RIT2: variants seen among roughly 807,000 people sequenced by gnomAD.
The protein encoded by RIT2 is Ras like without CAAX 2.
In RIT2, 24 loss-of-function variants were observed where a neutral mutation model predicts 23.7. The observed-to-expected ratio is 1.01, with a 90% CI of 0.73 to 1.43. The LOEUF (loss-of-function observed/expected upper bound fraction) is 1.43. Among genes scored for constraint, RIT2 ranks in the 40% most tolerant of loss-of-function variants. The pLI, the probability that RIT2 is intolerant of heterozygous loss-of-function variation, is 0.00. For synonymous variants in RIT2, 107 were observed against 91.1 expected (o/e 1.17, Z -0.99); for missense variants, 236 against 266.9 (o/e 0.88, Z 0.81).
rs148313401 is a variant in RIT2 at position 42,967,626 on chromosome 18, C to T, written c.234+6448G>A. Among the ~76,000 whole-genome samples the T allele has an allele frequency of 6.1e-3, 883 of 144,170 alleles. 10 individuals carry two copies. The highest frequency in any genetic ancestry group is 0.022 in the African/African-American group (854 of 38,810). 94.6% of individuals were successfully genotyped at this position (144,170 alleles called of 152,430 possible). A position where few individuals can be genotyped will look rare whatever the true frequency, so the allele number is the denominator to read the frequency against. ...CAGGATGGTCTCAATCTGCTGACCT[C>T]GTGATCCGCTCATCTCGGCCTCCCA... On this transcript the variant is annotated intron_variant, in intron 3 of 4. Coordinates refer to ENST00000326695, the MANE Select transcript of RIT2 (RefSeq NM_002930.4).
At chr18:42,979,369 G>A (rs1472395388) in intron 2 of RIT2, among the ~76,000 whole-genome samples, 1 of 151,944 alleles carries the variant, frequency 6.6e-6, no homozygotes, top group African/African-American at 2.4e-5. Context: ...ATCTTAAGAT[G>A]ATTGAATACT....
At chr18:42,932,024 T>C (rs1221412746) in intron 3 of RIT2, among the ~76,000 whole-genome samples, 4 of 152,156 alleles carry the variant, frequency 2.6e-5, no homozygotes, top group Non-Finnish European at 5.9e-5. Context: ...TAAATTACTA[T>C]TTGGTTCCTC....
intron 1 of RIT2, among the ~76,000 whole-genome samples, chr18:43,058,928 C>G (rs1311429840): frequency 6.6e-6 from 1 of 151,920 alleles, no homozygotes; most frequent in East Asian, 1.9e-4. Flanking sequence ...ATACATTGAA[C>G]CCTTGAGCCT....
At chr18:43,109,315 T>C (rs927306089) in intron 1 of RIT2, among the ~76,000 whole-genome samples, 1 of 152,202 alleles carries the variant, frequency 6.6e-6, no homozygotes, top group African/African-American at 2.4e-5. Flanking sequence ...TAATCCTTTT[T>C]GGGTTTTCAG....
chr18:43,101,593 A>G (rs1913685842), intron 1 of RIT2, among the ~76,000 whole-genome samples: 2 of 152,176 alleles, frequency 1.3e-5, no homozygotes, highest in African/African-American at 4.8e-5. Context: ...TTAGTGGGAG[A>G]ACTGAATTTC....
At chr18:43,033,462 T>C (rs1363142434) in intron 2 of RIT2, among the ~76,000 whole-genome samples, 1 of 152,150 alleles carries the variant, frequency 6.6e-6, no homozygotes, top group East Asian at 1.9e-4. Flanking sequence ...CAAATACATA[T>C]ATAATCACAT....
At chr18:42,901,184 G>T (rs1908467027) in intron 4 of RIT2, among the ~76,000 whole-genome samples, 1 of 152,012 alleles carries the variant, frequency 6.6e-6, no homozygotes, top group African/African-American at 2.4e-5. Flanking sequence ...ATTAGATATT[G>T]ATGCTTGAGT....
At chr18:43,112,558 C>A (rs1181790347) in intron 1 of RIT2, among the ~76,000 whole-genome samples, 3 of 152,172 alleles carry the variant, frequency 2.0e-5, no homozygotes, top group Non-Finnish European at 2.9e-5. Flanking sequence ...AGTAAAGTTG[C>A]AAATTCTTTT....
intron 1 of RIT2, among the ~76,000 whole-genome samples, chr18:43,096,792 G>A (rs963557034): frequency 6.6e-6 from 1 of 151,680 alleles, no homozygotes; most frequent in Admixed American, 6.6e-5. Flanking sequence ...TACTCAAAAA[G>A]TTATATAAAA....
intron 1 of RIT2, among the ~76,000 whole-genome samples, chr18:43,040,944 T>G (rs1238948340): frequency 6.6e-6 from 1 of 152,174 alleles, no homozygotes; most frequent in Non-Finnish European, 1.5e-5. Context: ...TTGATGAATA[T>G]TAACAGAAAT....
At chr18:42,911,430 A>C (rs890885861) in intron 4 of RIT2, among the ~76,000 whole-genome samples, 1 of 152,010 alleles carries the variant, frequency 6.6e-6, no homozygotes, top group African/African-American at 2.4e-5. Flanking sequence ...AGCAAGATTG[A>C]CAGACATAAA....
chr18:43,026,421 G>GT (rs912888914), intron 2 of RIT2, among the ~76,000 whole-genome samples: 1 of 151,852 alleles, frequency 6.6e-6, no homozygotes, highest in African/African-American at 2.4e-5. Flanking sequence ...GGGTGTGGTG[G>GT]TGCGTGCCTG....
At position 42,925,304 on chromosome 18, in the gene RIT2, A is replaced by G. The variant is rs575050516; in HGVS notation, c.235-1541T>C. Among the ~76,000 whole-genome samples the G allele has an allele frequency of 5.3e-5, 8 of 152,154 alleles. No individual in the cohort carries two copies. In the East Asian group the frequency reaches 7.7e-4, roughly 15 times the overall value. On this transcript the variant is annotated intron_variant, in intron 3 of 4. Coordinates refer to ENST00000326695, the MANE Select transcript of RIT2 (RefSeq NM_002930.4). ...TGACATACTCTGATTTTGAAATCCTATGTCGCAATCAAAACCCCATAATTG... is the reference window on the plus strand; with the variant it reads ...TGACATACTCTGATTTTGAAATCCTGTGTCGCAATCAAAACCCCATAATTG...
At chr18:43,013,148 T>C in intron 2 of RIT2, among the ~76,000 whole-genome samples, 1 of 151,958 alleles carries the variant, frequency 6.6e-6, no homozygotes, top group East Asian at 1.9e-4. Flanking sequence ...TGAGTCATAT[T>C]TTGAAAGGTT....
At chr18:42,764,685 T>G (rs1913379401) in intron 4 of RIT2, among the ~76,000 whole-genome samples, 1 of 152,220 alleles carries the variant, frequency 6.6e-6, no homozygotes, top group Non-Finnish European at 1.5e-5. Context: ...ATCCTCAGAA[T>G]TTAACTACAG....
chr18:42,990,649 C>A (rs1441745642), intron 2 of RIT2, among the ~76,000 whole-genome samples: 2 of 152,200 alleles, frequency 1.3e-5, no homozygotes, highest in Non-Finnish European at 1.5e-5. Flanking sequence ...CATTTTCTAG[C>A]ATTCTGACAG....
chr18:43,009,506 A>AG (rs1184016305), intron 2 of RIT2, among the ~76,000 whole-genome samples: 1 of 151,756 alleles, frequency 6.6e-6, no homozygotes. Context: ...GAGAAGTGTC[A>AG]GGCAACAGAA....
At chr18:42,765,915 T>C (rs1234694964) in intron 4 of RIT2, among the ~76,000 whole-genome samples, 1 of 152,112 alleles carries the variant, frequency 6.6e-6, no homozygotes, top group African/African-American at 2.4e-5. Flanking sequence ...AGTGGGCTTA[T>C]CGGGGGTTCC....
chr18:42,877,520 CTA>C (rs144405918), intron 4 of RIT2, among the ~76,000 whole-genome samples: 15,858 of 143,514 alleles, frequency 0.11, 979 homozygotes, highest in Middle Eastern at 0.26. Flanking sequence ...TTTGTATACA[CTA>C]TATATATATA....
Sources: gnomAD v4.1 joint callset for allele counts (sites outside exome capture counted in the v4.1 genomes callset) on GRCh38, gnomAD v4.1.1 for gene constraint, MANE v1.5 for transcripts, NCBI Gene and HGNC (gene_info 2026-07-23, HGNC 2026-07-21) for gene names.